Variants in TTC17 observed in about 807,000 individuals in gnomAD.
The protein encoded by TTC17 is tetratricopeptide repeat protein 17.
In TTC17, 58 loss-of-function variants were observed where a neutral mutation model predicts 143.8. That is an observed-to-expected ratio of 0.40 (90% CI 0.33 to 0.50). The LOEUF is 0.50. Among genes scored for constraint, TTC17 ranks in the 20% least tolerant of loss-of-function variants. TTC17 has a pLI of 0.49. For missense variants in TTC17, 1,273 were observed against 1,392.5 expected (o/e 0.91, Z 1.37); for synonymous variants, 501 against 497.8 (o/e 1.01, Z -0.09).
chr11:43,360,122 GTGTAATGAA>G (rs570313183), intron 1 of TTC17, among the ~76,000 whole-genome samples: 153 of 152,298 alleles, frequency 1.0e-3, no homozygotes, highest in African/African-American at 3.6e-3. Flanking sequence ...TTTGGATTGT[GTGTAATGAA>G]TCATGATAGG....
At chr11:43,392,650 C>T (rs1245921088) in intron 5 of TTC17, among the ~76,000 whole-genome samples, 6 of 152,092 alleles carry the variant, frequency 3.9e-5, no homozygotes, top group African/African-American at 1.2e-4. Context: ...CTTTCAGATG[C>T]TTTATATGGT....
chr11:43,403,300 C>T (rs1158530194), intron 10 of TTC17, among the ~76,000 whole-genome samples: 1 of 152,154 alleles, frequency 6.6e-6, no homozygotes, highest in Non-Finnish European at 1.5e-5. Context: ...AGAATCCATT[C>T]CTGTTCACAA....
At chr11:43,368,353 TC>T (rs1332835488) in intron 1 of TTC17, among the ~76,000 whole-genome samples, 1 of 152,202 alleles carries the variant, frequency 6.6e-6, no homozygotes, top group African/African-American at 2.4e-5. Flanking sequence ...TTAGTTGTCA[TC>T]ACAAATACAT....
chr11:43,491,743 C>T (rs1164326301), intron 22 of TTC17: 10 of 390,036 alleles, frequency 2.6e-5, no homozygotes, highest in Non-Finnish European at 4.7e-5. Flanking sequence ...CAGAAGAAAC[C>T]AACTACATTA....
intron 15 of TTC17, among the ~76,000 whole-genome samples, chr11:43,411,463 C>T (rs1335703177): frequency 6.7e-6 from 1 of 148,360 alleles, no homozygotes; most frequent in Non-Finnish European, 1.5e-5. Context: ...TTATTTCTTC[C>T]TTCTATATTT....
intron 16 of TTC17, among the ~76,000 whole-genome samples, chr11:43,433,278 C>T (rs1042599252): frequency 2.6e-5 from 4 of 152,178 alleles, no homozygotes; most frequent in Non-Finnish European, 5.9e-5. Context: ...GAATTACAGG[C>T]GTGAGCCACC....
chr11:43,465,228 T>C (rs554733532), intron 21 of TTC17, among the ~76,000 whole-genome samples: 107 of 152,336 alleles, frequency 7.0e-4, no homozygotes, highest in Non-Finnish European at 1.4e-3. Flanking sequence ...ATTGTCTACT[T>C]GCCAAGCTAA....
chr11:43,380,145 A>G (rs961921834), intron 2 of TTC17, among the ~76,000 whole-genome samples: 1 of 152,246 alleles, frequency 6.6e-6, no homozygotes, highest in African/African-American at 2.4e-5. Flanking sequence ...CAAGGAAACA[A>G]TTAGACCTAA....
intron 21 of TTC17, among the ~76,000 whole-genome samples, chr11:43,456,885 T>TTA (rs1201255768): frequency 6.6e-6 from 1 of 152,086 alleles, no homozygotes; most frequent in Non-Finnish European, 1.5e-5. Flanking sequence ...GTCTGGGGGA[T>TTA]TAGGCTCAAA....
chr11:43,371,654 C>G (rs1428841607), intron 1 of TTC17, among the ~76,000 whole-genome samples: 1 of 152,146 alleles, frequency 6.6e-6, no homozygotes, highest in Non-Finnish European at 1.5e-5. Context: ...TTCAGCCCCT[C>G]TTCTCTCACC....
chr11:43,410,798 T>C (rs1858375101), intron 15 of TTC17, among the ~76,000 whole-genome samples: 1 of 152,212 alleles, frequency 6.6e-6, no homozygotes, highest in Admixed American at 6.5e-5. Context: ...TAAAGCTATC[T>C]TTCCAGTTGC....
Position 43,358,942 on chromosome 11 carries a change from C to A in TTC17, c.-13C>A, listed in dbSNP as rs772091492. On this transcript the variant is annotated 5_prime_UTR_variant, in exon 1 of 24. Coordinates refer to ENST00000039989, the MANE Select transcript of TTC17 (RefSeq NM_018259.6). ...TCCGCTTCCGGTGTGAGCGGCCCGG[C>A]CGGGGGGGCAAGATGGCGGCGGCAG... 5.7e-6 allele frequency: 9 copies of A among 1,566,912 alleles called. No individual in the cohort carries two copies. The South Asian group carries it at 5.8e-5, about 10-fold the overall frequency.
At chr11:43,375,645 TA>T (rs910030814) in intron 1 of TTC17, among the ~76,000 whole-genome samples, 75 of 146,368 alleles carry the variant, frequency 5.1e-4, no homozygotes, top group African/African-American at 1.1e-3. Flanking sequence ...GAATACCATT[TA>T]AAAAAAAAAA....
At chr11:43,462,723 CA>C (rs1376440506) in intron 21 of TTC17, among the ~76,000 whole-genome samples, 2 of 151,972 alleles carry the variant, frequency 1.3e-5, no homozygotes, top group East Asian at 3.9e-4. Flanking sequence ...CTGTATGCAC[CA>C]AAGAACATAA....
intron 1 of TTC17, among the ~76,000 whole-genome samples, chr11:43,369,214 G>A (rs114450328): frequency 1.0e-3 from 153 of 152,312 alleles, no homozygotes; most frequent in African/African-American, 3.3e-3. Context: ...CACTATTATA[G>A]GAAGTTACTC....
At chr11:43,440,837 TTTG>T (rs1947401336) in intron 16 of TTC17, among the ~76,000 whole-genome samples, 1 of 152,224 alleles carries the variant, frequency 6.6e-6, no homozygotes, top group African/African-American at 2.4e-5. Context: ...CAGTATCTTA[TTTG>T]TTACTATCCC....
rs55913890 is a variant in TTC17, at chr11:43,434,168, G to GAC, written c.2252-9094_2252-9093dup. 5.8e-3 allele frequency among the ~76,000 whole-genome samples: 731 copies of GAC among 125,492 alleles called. 6 individuals carry two copies. Among genetic ancestry groups the GAC allele is most frequent in the African/African-American group, 0.014 (445 of 32,560 alleles). The allele number at this position is 125,492 out of a possible 152,430, so 82.3% of individuals were successfully genotyped here. A position where few individuals can be genotyped will look rare whatever the true frequency, so the allele number is the denominator to read the frequency against. On this transcript the variant is annotated intron_variant, in intron 16 of 23. Transcript: ENST00000039989. ...TTCCCATTAGCCCTCCATGGGCGGG[G>GAC]ACACACACACACACACACACACACA... is the stretch of plus-strand genomic sequence containing the variant.
chr11:43,359,442 A>C, intron 1 of TTC17: 1 of 308,800 alleles, frequency 3.2e-6, no homozygotes, highest in Non-Finnish European at 6.0e-6. Context: ...AGATTTCAGG[A>C]TTCCTGCCTT....
At position 43,443,433 on chromosome 11, in the gene TTC17, C is replaced by T. The variant is rs754282763; in HGVS notation, c.2360C>T (p.Pro787Leu). The T allele has an allele frequency of 6.2e-7, 1 of 1,614,104 alleles. No homozygotes were observed. Among genetic ancestry groups the T allele is most frequent in the East Asian group, 2.2e-5 (1 of 44,878 alleles). Residue 787 changes from proline (P) to leucine (L), a missense_variant, in exon 17 of 24, where the codon CCT becomes CTT. Physicochemically the swap from Pro to Leu is moderately conservative, Grantham distance 98 (BLOSUM62 -3). This residue lies in a region of TTC17 where 878 missense variants were observed against 899.8 expected (regional missense o/e 0.98). Transcript: ENST00000039989. ...GTGGATGAATTTCAACAGGCATGGC[C>T]TTTGGAAGGCTTTGGGGGTGCACTA... is the stretch of plus-strand genomic sequence containing the variant. The part of the protein sequence containing the change: ...ALVDEFQQAW[P>L]LEGFGGALEM...
Sources: gnomAD v4.1 joint callset for allele counts (sites outside exome capture counted in the v4.1 genomes callset) on GRCh38, gnomAD v4.1.1 for gene constraint, gnomAD v4.1.1 regional missense constraint, MANE v1.5 for transcripts, NCBI Gene and HGNC (gene_info 2026-07-23, HGNC 2026-07-21) for gene names.